CCDC192: variants seen among roughly 807,000 people sequenced by gnomAD.
CCDC192 encodes coiled-coil domain containing 192, also known as coiled-coil domain-containing protein 192.
At chr5:127,939,267 A>G (rs573804653) in intron 6 of CCDC192, among the ~76,000 whole-genome samples, 1 of 151,486 alleles carries the variant, frequency 6.6e-6, no homozygotes, top group East Asian at 1.9e-4. Flanking sequence ...ACAGGTGTGC[A>G]CCACCACACC....
intron 5 of CCDC192, among the ~76,000 whole-genome samples, chr5:127,835,892 C>A (rs1470971978): frequency 6.6e-6 from 1 of 152,170 alleles, no homozygotes; most frequent in South Asian, 2.1e-4. Context: ...CTAACCATAT[C>A]ATTCCAATCC....
At chr5:127,790,785 A>G (rs534825911) in intron 3 of CCDC192, among the ~76,000 whole-genome samples, 9 of 152,374 alleles carry the variant, frequency 5.9e-5, no homozygotes, top group African/African-American at 2.2e-4. Context: ...TCAAGTTAAC[A>G]ACTGCAAGAT....
At chr5:127,768,357 A>T (rs1755352688) in intron 3 of CCDC192, among the ~76,000 whole-genome samples, 1 of 152,184 alleles carries the variant, frequency 6.6e-6, no homozygotes, top group Non-Finnish European at 1.5e-5. Context: ...GGTCACACTC[A>T]TATAGGGAGA....
chr5:127,927,233 G>C (rs1753887411), intron 6 of CCDC192, among the ~76,000 whole-genome samples: 1 of 152,052 alleles, frequency 6.6e-6, no homozygotes, highest in African/African-American at 2.4e-5. Flanking sequence ...TTGAGAGAGA[G>C]AGAGATCATG....
At chr5:127,886,768 G>A (rs963525866) in intron 6 of CCDC192, among the ~76,000 whole-genome samples, 14 of 152,146 alleles carry the variant, frequency 9.2e-5, no homozygotes, top group Non-Finnish European at 2.1e-4. Context: ...ATTTTTAACT[G>A]TGCAGGAGGT....
chr5:127,869,309 A>T (rs1012386977), intron 5 of CCDC192, among the ~76,000 whole-genome samples: 1 of 152,152 alleles, frequency 6.6e-6, no homozygotes. Flanking sequence ...GGGCAATAAG[A>T]GCAAAACTCC....
rs1754381377 is a variant in CCDC192 at position 127,940,896 on chromosome 5, C to G, written c.536-286C>G. 6 of 270,282 alleles carry G rather than the reference C, an allele frequency of 2.2e-5. No individual in the cohort carries two copies. The South Asian group carries it at 1.0e-3, about 46-fold the overall frequency. 16.7% of individuals were successfully genotyped at this position (270,282 alleles called of 1,614,324 possible). ...AGATTGGATTTTCATGAATTATTCC[C>G]ATGGTTAACTGAAAGTTAAATGCAT... On this transcript the variant is annotated intron_variant, in intron 6 of 6. Coordinates refer to ENST00000514853, the MANE Select transcript of CCDC192 (RefSeq NM_001317938.2).
At chr5:127,906,628 A>G (rs1271196899) in intron 6 of CCDC192, among the ~76,000 whole-genome samples, 1 of 151,992 alleles carries the variant, frequency 6.6e-6, no homozygotes, top group Non-Finnish European at 1.5e-5. Flanking sequence ...TCTACAAAAT[A>G]TACAAAAATT....
chr5:127,740,463 A>G (rs1388740407), intron 2 of CCDC192, among the ~76,000 whole-genome samples: 1 of 152,206 alleles, frequency 6.6e-6, no homozygotes, highest in East Asian at 1.9e-4. Flanking sequence ...GTCTGTGCAA[A>G]TGCCAGTCTG....
At chr5:127,887,316 G>A (rs1446644107) in intron 6 of CCDC192, among the ~76,000 whole-genome samples, 1 of 109,774 alleles carries the variant, frequency 9.1e-6, no homozygotes, top group Non-Finnish European at 1.7e-5. Flanking sequence ...GTAACAGAGA[G>A]AGACTCTGTC....
At chr5:127,886,057 G>C (rs374694839) in intron 6 of CCDC192, among the ~76,000 whole-genome samples, 2 of 152,148 alleles carry the variant, frequency 1.3e-5, no homozygotes, top group South Asian at 2.1e-4. Flanking sequence ...GCAAGCATAA[G>C]AAACAGGTCT....
At chr5:127,752,730 T>C (rs1158439307) in intron 2 of CCDC192, among the ~76,000 whole-genome samples, 1 of 152,188 alleles carries the variant, frequency 6.6e-6, no homozygotes, top group Non-Finnish European at 1.5e-5. Flanking sequence ...CGCCTTGCAG[T>C]TTGATCTCAG....
At chr5:127,778,899 G>A (rs1417907323) in intron 3 of CCDC192, among the ~76,000 whole-genome samples, 10 of 151,508 alleles carry the variant, frequency 6.6e-5, no homozygotes, top group Non-Finnish European at 1.5e-4. Context: ...CTAGTTTGTT[G>A]GCACTCATTT....
chr5:127,902,137 T>C (rs749067769), intron 6 of CCDC192, among the ~76,000 whole-genome samples: 1 of 152,138 alleles, frequency 6.6e-6, no homozygotes, highest in Non-Finnish European at 1.5e-5. Context: ...CCAGGCATAG[T>C]GGTGCATGCC....
intron 2 of CCDC192, among the ~76,000 whole-genome samples, chr5:127,724,417 T>C (rs1404586905): frequency 3.3e-5 from 5 of 152,234 alleles, no homozygotes; most frequent in South Asian, 2.1e-4. Context: ...TGCCTCCTAA[T>C]GTGTTTTTAC....
At chr5:127,879,006 T>A (rs1401536235) in intron 6 of CCDC192, among the ~76,000 whole-genome samples, 2 of 149,676 alleles carry the variant, frequency 1.3e-5, no homozygotes, top group Non-Finnish European at 1.5e-5. Flanking sequence ...GGCTCTCTGT[T>A]TGTCTGTTGT....
intron 1 of CCDC192, among the ~76,000 whole-genome samples, chr5:127,706,653 CCTT>C (rs1416704627): frequency 6.6e-6 from 1 of 152,054 alleles, no homozygotes. Flanking sequence ...ACCACCCTAT[CCTT>C]CTTCAAGATG....
intron 5 of CCDC192, among the ~76,000 whole-genome samples, chr5:127,805,276 CT>C (rs1347754133): frequency 6.6e-6 from 1 of 152,158 alleles, no homozygotes; most frequent in African/African-American, 2.4e-5. Context: ...GTAGATATCA[CT>C]CCCCCTCCTT....
At chr5:127,877,492 T>C (rs1218393175) in intron 6 of CCDC192, among the ~76,000 whole-genome samples, 11 of 152,212 alleles carry the variant, frequency 7.2e-5, no homozygotes, top group Admixed American at 7.2e-4. Context: ...TACATGTTGC[T>C]TCTCTTATTT....
Sources: allele counts gnomAD v4.1 joint callset (sites outside exome capture counted in the v4.1 genomes callset), GRCh38; gene constraint gnomAD v4.1.1; transcripts MANE v1.5; gene names NCBI Gene and HGNC (gene_info 2026-07-23, HGNC 2026-07-21).